Variants in KAZN observed in about 807,000 individuals in gnomAD.
The protein encoded by KAZN is kazrin, periplakin interacting protein, also known as kazrin.
Under a neutral mutation model 87.4 loss-of-function variants are expected in KAZN, and 40 were observed. The ratio of observed to expected loss-of-function variants is 0.46; its 90% CI spans 0.36 to 0.60. The LOEUF is 0.60. Ranked by LOEUF, KAZN falls within the 20% of genes least tolerant of loss-of-function variation. The pLI is 0.00. For synonymous variants in KAZN, 466 were observed against 458.3 expected, an observed-to-expected ratio of 1.02 and a Z score of -0.22; for missense variants, 898 against 1,073.9, an observed-to-expected ratio of 0.84 and a Z score of 2.29.
intron 2 of KAZN, among the ~76,000 whole-genome samples, chr1:14,461,410 A>T (rs935557587): frequency 1.3e-5 from 2 of 152,130 alleles, no homozygotes; most frequent in South Asian, 2.1e-4. Flanking sequence ...AACCCCTTTC[A>T]CTTGGCTCTC....
chr1:14,877,415 G>T (rs1463661003), intron 1 of KAZN, among the ~76,000 whole-genome samples: 2 of 152,238 alleles, frequency 1.3e-5, no homozygotes, highest in Non-Finnish European at 2.9e-5. Flanking sequence ...GGGATAGGGT[G>T]CATGATAGAC....
chr1:14,237,710 A>G (rs541923700), intron 2 of KAZN, among the ~76,000 whole-genome samples: 1 of 152,194 alleles, frequency 6.6e-6, no homozygotes, highest in Admixed American at 6.5e-5. Context: ...GTGCAAGGCC[A>G]TAGGGATATA....
intron 1 of KAZN, among the ~76,000 whole-genome samples, chr1:14,021,576 T>C (rs1308822148): frequency 1.3e-5 from 2 of 152,194 alleles, no homozygotes; most frequent in Non-Finnish European, 2.9e-5. Context: ...CTCTATTTTT[T>C]CCAAGTTCCC....
chr1:14,605,526 C>T (rs1205568970), intron 1 of KAZN, among the ~76,000 whole-genome samples: 1 of 152,092 alleles, frequency 6.6e-6, no homozygotes, highest in Non-Finnish European at 1.5e-5. Context: ...TTTTATGCCC[C>T]ATGTATTATG....
intron 1 of KAZN, among the ~76,000 whole-genome samples, chr1:14,792,188 T>C (rs1179901957): frequency 1.3e-5 from 2 of 152,342 alleles, no homozygotes; most frequent in East Asian, 1.9e-4. Context: ...GGTTATTTAC[T>C]GAGCATCTAC....
At chr1:14,032,623 C>G (rs1271715661) in intron 1 of KAZN, among the ~76,000 whole-genome samples, 2 of 152,214 alleles carry the variant, frequency 1.3e-5, no homozygotes, top group Non-Finnish European at 2.9e-5. Flanking sequence ...ATTCTGCATG[C>G]AGCTACCAGA....
intron 1 of KAZN, among the ~76,000 whole-genome samples, chr1:14,647,209 G>A (rs533300846): frequency 8.6e-4 from 131 of 152,178 alleles, no homozygotes; most frequent in Admixed American, 1.5e-3. Context: ...CAGTTTTTCC[G>A]TTGCATGAAA....
At chr1:14,093,722 T>A (rs575087600) in intron 1 of KAZN, among the ~76,000 whole-genome samples, 1 of 152,300 alleles carries the variant, frequency 6.6e-6, no homozygotes, top group East Asian at 1.9e-4. Context: ...ACCAATTTAT[T>A]TGATCATAGT....
In KAZN at chr1:14,134,687, C is replaced by T. The variant is rs147433727; in HGVS notation, c.92-45748C>T. Among the ~76,000 whole-genome samples the T allele has an allele frequency of 7.6e-3, 1,157 of 152,190 alleles. 14 individuals carry two copies. The highest frequency in any genetic ancestry group is 0.046 in the South Asian group (222 of 4,814). On this transcript the variant is annotated intron_variant, in intron 1 of 16. Coordinates refer to the KAZN transcript ENST00000636203. ...TTCAAAACAAAAGAGATATTAGCAG[C>T]ATATTGTTTTCTAAATGATCCGCCT...
At chr1:14,134,125 G>A (rs1431214008) in intron 1 of KAZN, among the ~76,000 whole-genome samples, 1 of 152,214 alleles carries the variant, frequency 6.6e-6, no homozygotes, top group Non-Finnish European at 1.5e-5. Context: ...GGGAGACAGG[G>A]TCTGAGCCAA....
intron 1 of KAZN, among the ~76,000 whole-genome samples, chr1:13,941,415 A>G (rs975525403): frequency 1.3e-5 from 2 of 152,158 alleles, no homozygotes; most frequent in East Asian, 1.9e-4. Context: ...CCTCAGCTAC[A>G]TGTGGTCTCC....
chr1:14,079,057 G>A (rs61775668), intron 1 of KAZN, among the ~76,000 whole-genome samples: 23,110 of 152,206 alleles, frequency 0.15, 2,380 homozygotes, highest in Middle Eastern at 0.29. Context: ...CTCAGACTGG[G>A]TAATTTATAA....
chr1:15,025,353 T>G (rs1243124621), intron 2 of KAZN, among the ~76,000 whole-genome samples: 1 of 152,216 alleles, frequency 6.6e-6, no homozygotes, highest in African/African-American at 2.4e-5. Context: ...GGTTCTCACT[T>G]TTTTGGTTAA....
rs115995092 is a variant in KAZN, at chr1:14,659,628, A to G, written c.226+60405A>G. On this transcript the variant is annotated intron_variant, in intron 1 of 14. Transcript: ENST00000376030. The stretch of plus-strand genomic sequence containing the variant: ...GTTCTGTGTGGGAAAGTAAAATTTT[A>G]TGTTTTCCATAAATACAAGATGAAG... 6.7e-3 allele frequency among the ~76,000 whole-genome samples: 1,024 copies of G among 152,278 alleles called. 12 individuals are homozygous for G. The highest frequency in any genetic ancestry group is 0.023 in the African/African-American group (944 of 41,556).
chr1:14,749,718 T>A (rs1644360214), intron 1 of KAZN, among the ~76,000 whole-genome samples: 1 of 152,058 alleles, frequency 6.6e-6, no homozygotes, highest in Admixed American at 6.6e-5. Flanking sequence ...GGCCTCCCAT[T>A]CAGATTGAAA....
chr1:14,448,632 G>T (rs1667109383), intron 2 of KAZN, among the ~76,000 whole-genome samples: 1 of 152,172 alleles, frequency 6.6e-6, no homozygotes, highest in Admixed American at 6.5e-5. Flanking sequence ...AACAACTCTT[G>T]ACTGGACACC....
At chr1:15,065,509 T>C (rs878951291) in intron 7 of KAZN, 121 bp from the exon 8 acceptor site, 1 of 854,344 alleles carries the variant, frequency 1.2e-6, no homozygotes, top group Non-Finnish European at 1.9e-6. Context: ...CTGACCCCAC[T>C]GGCTTAAAGC....
At chr1:14,101,972 C>G (rs1445362183) in intron 1 of KAZN, among the ~76,000 whole-genome samples, 1 of 152,112 alleles carries the variant, frequency 6.6e-6, no homozygotes, top group Non-Finnish European at 1.5e-5. Flanking sequence ...CAGCAAACCT[C>G]AAACCTTTTA....
intron 4 of KAZN, among the ~76,000 whole-genome samples, chr1:15,045,608 A>G (rs1002620924): frequency 6.6e-6 from 1 of 152,202 alleles, no homozygotes; most frequent in Non-Finnish European, 1.5e-5. Context: ...GTATTAGTTC[A>G]TTCCTACACT....
Sources: allele counts gnomAD v4.1 joint callset (sites outside exome capture counted in the v4.1 genomes callset), GRCh38; gene constraint gnomAD v4.1.1; transcripts MANE v1.5; gene names NCBI Gene and HGNC (gene_info 2026-07-23, HGNC 2026-07-21).